The following XKR4 variants were observed in gnomAD, a reference collection of about 807,000 sequenced individuals.
The protein encoded by XKR4 is XK-related protein 4.
XKR4 carries 12 observed loss-of-function variants against 53.9 expected under a neutral mutation model. The ratio of observed to expected loss-of-function variants is 0.22; its 90% CI spans 0.14 to 0.36. The LOEUF is 0.36. Ranked by LOEUF, XKR4 falls within the 10% of genes least tolerant of loss-of-function variation. The probability of loss-of-function intolerance (pLI) is 1.00; values close to 1 mark genes in which losing one functional copy is unlikely to be tolerated. For missense variants in XKR4, 799 were observed against 859.5 expected, an observed-to-expected ratio of 0.93 and a Z score of 0.88; for synonymous variants, 354 against 362.4, an observed-to-expected ratio of 0.98 and a Z score of 0.26.
intron 2 of XKR4, chr8:55,449,630 A>G (rs754685916): frequency 3.6e-5 from 37 of 1,035,944 alleles, no homozygotes; most frequent in Non-Finnish European, 4.7e-5. Flanking sequence ...CTTCTCATCC[A>G]CGCTCTTAGG....
At chr8:55,478,100 T>C (rs1018543198) in intron 2 of XKR4, among the ~76,000 whole-genome samples, 1 of 151,846 alleles carries the variant, frequency 6.6e-6, no homozygotes, top group African/African-American at 2.4e-5. Context: ...AGACACATAA[T>C]TGTCAGATTC....
At chr8:55,151,593 GTTT>G (rs1816841027) in intron 1 of XKR4, among the ~76,000 whole-genome samples, 1 of 151,968 alleles carries the variant, frequency 6.6e-6, no homozygotes, top group African/African-American at 2.4e-5. Flanking sequence ...TTTATATATT[GTTT>G]TTTATAAGTA....
chr8:55,289,673 G>T (rs1287983265), intron 1 of XKR4, among the ~76,000 whole-genome samples: 2 of 38,708 alleles, frequency 5.2e-5, no homozygotes, highest in Non-Finnish European at 2.1e-4. Context: ...GAAAAGAAAA[G>T]AAAGAGAAAG....
chr8:55,308,369 T>C (rs529313804), intron 1 of XKR4, among the ~76,000 whole-genome samples: 2 of 152,270 alleles, frequency 1.3e-5, no homozygotes, highest in South Asian at 2.1e-4. Flanking sequence ...TAAGGAAACT[T>C]ACAATCATGG....
Position 55,346,722 on chromosome 8 carries a change from T to TGTGTGTGTGC in XKR4, c.807-10952_807-10951insGTGTGCGTGT, listed in dbSNP as rs1176163520. 3.1e-3 allele frequency among the ~76,000 whole-genome samples: 455 copies of TGTGTGTGTGC among 148,640 alleles called. 3 individuals carry two copies. Among genetic ancestry groups the TGTGTGTGTGC allele is most frequent in the Non-Finnish European group, 5.4e-3 (359 of 66,442 alleles). On this transcript the variant is annotated intron_variant, in intron 1 of 2. Coordinates refer to ENST00000327381, the MANE Select transcript of XKR4 (RefSeq NM_052898.2). ...GTGTGTGTGTGTGTGTGTGTGTGTG[T>TGTGTGTGTGC]GTGTTTAGAAAGCTTTGTAGCCAGG...
chr8:55,226,097 GA>G (rs1008137527), intron 1 of XKR4, among the ~76,000 whole-genome samples: 24 of 152,020 alleles, frequency 1.6e-4, no homozygotes, highest in African/African-American at 5.8e-4. Context: ...CATTTAAAAA[GA>G]AAAAATCCTT....
intron 2 of XKR4, among the ~76,000 whole-genome samples, chr8:55,492,280 T>TTATA (rs1806283402): frequency 6.6e-6 from 1 of 152,234 alleles, no homozygotes; most frequent in African/African-American, 2.4e-5. Flanking sequence ...TGTCCATGCT[T>TTATA]TATATATTTA....
intron 2 of XKR4, among the ~76,000 whole-genome samples, chr8:55,448,237 C>T (rs1488265598): frequency 6.6e-6 from 1 of 152,218 alleles, no homozygotes; most frequent in Non-Finnish European, 1.5e-5. Context: ...AAAATAGTCA[C>T]TGCTCTGGAA....
intron 1 of XKR4, among the ~76,000 whole-genome samples, chr8:55,225,216 T>A (rs1817937083): frequency 6.6e-6 from 1 of 152,244 alleles, no homozygotes. Flanking sequence ...CATGTGGCTA[T>A]TTTTAATTTT....
intron 1 of XKR4, among the ~76,000 whole-genome samples, chr8:55,165,902 T>C (rs1450111005): frequency 6.6e-6 from 1 of 152,112 alleles, no homozygotes; most frequent in Non-Finnish European, 1.5e-5. Flanking sequence ...TCAATGCTTA[T>C]ATATCCTGAG....
At chr8:55,160,631 G>T (rs1164079019) in intron 1 of XKR4, among the ~76,000 whole-genome samples, 3 of 152,164 alleles carry the variant, frequency 2.0e-5, no homozygotes, top group Admixed American at 6.5e-5. Flanking sequence ...CTCTGTTTCC[G>T]TAATTCCCTA....
intron 1 of XKR4, among the ~76,000 whole-genome samples, chr8:55,282,280 T>C (rs1464687818): frequency 6.6e-6 from 1 of 152,188 alleles, no homozygotes; most frequent in African/African-American, 2.4e-5. Flanking sequence ...GGCCATCATA[T>C]GGTCACAGCA....
rs374659086 is a variant in XKR4, at chr8:55,418,772, C to T, written c.1006+60895C>T. Among the ~76,000 whole-genome samples the T allele has an allele frequency of 1.1e-4, 17 of 152,320 alleles. No individual in the cohort carries two copies. In the South Asian group the frequency reaches 2.9e-3, roughly 26 times the overall value. On this transcript the variant is annotated intron_variant, in intron 2 of 2. Coordinates refer to ENST00000327381, the MANE Select transcript of XKR4 (RefSeq NM_052898.2). ...GGCTGTTTCCTCTGCCTGGAAGGCC[C>T]TTCCTGACACCTGTCCAGCTCCTGC...
chr8:55,120,840 C>T (rs952313147), intron 1 of XKR4, among the ~76,000 whole-genome samples: 4 of 152,206 alleles, frequency 2.6e-5, no homozygotes, highest in South Asian at 2.1e-4. Context: ...TTTCATTGTC[C>T]GAAACCTTCC....
chr8:55,202,385 G>C (rs1449730980), intron 1 of XKR4, among the ~76,000 whole-genome samples: 1 of 152,214 alleles, frequency 6.6e-6, no homozygotes, highest in Non-Finnish European at 1.5e-5. Context: ...TTCTAGGCTG[G>C]AGTCATGCCC....
chr8:55,370,067 AAACAAC>A lies in XKR4; in HGVS notation c.1006+12207_1006+12212del, dbSNP rs767644178. Reference sequence around the variant, plus strand: ...AGAGCGAGACCCCCATCTGTAGGAAAAACAACAACAACAACAACAACACTAAATCTT... The same window carrying A: ...AGAGCGAGACCCCCATCTGTAGGAAAAACAACAACAACAACACTAAATCTT... On this transcript the variant is annotated intron_variant, in intron 2 of 2. Transcript: ENST00000327381. 1.6e-3 allele frequency among the ~76,000 whole-genome samples: 245 copies of A among 152,212 alleles called. 1 individual carries two copies. The highest frequency in any genetic ancestry group is 2.4e-3 in the Non-Finnish European group (163 of 67,998).
chr8:55,339,153 C>T (rs1051030186), intron 1 of XKR4, among the ~76,000 whole-genome samples: 5 of 152,238 alleles, frequency 3.3e-5, no homozygotes, highest in Admixed American at 6.5e-5. Context: ...GGACTGGAAA[C>T]GCGAGGCTGT....
intron 1 of XKR4, among the ~76,000 whole-genome samples, chr8:55,236,424 C>A (rs971431427): frequency 2.0e-5 from 3 of 152,164 alleles, no homozygotes; most frequent in Admixed American, 2.0e-4. Context: ...CCAGTGCAAT[C>A]CAGGTGAGGC....
intron 2 of XKR4, among the ~76,000 whole-genome samples, chr8:55,367,233 G>C (rs766115200): frequency 1.5e-4 from 22 of 150,218 alleles, no homozygotes; most frequent in Non-Finnish European, 2.8e-4. Flanking sequence ...ATACATTATT[G>C]TGTGTGTGTG....
Sources: allele counts gnomAD v4.1 joint callset (sites outside exome capture counted in the v4.1 genomes callset), GRCh38; gene constraint gnomAD v4.1.1; transcripts MANE v1.5; gene names NCBI Gene and HGNC (gene_info 2026-07-23, HGNC 2026-07-21).